CPE: variants seen among roughly 807,000 people sequenced by gnomAD.
The protein encoded by CPE is carbocypeptidase E.
In CPE, 17 loss-of-function variants were observed where a neutral mutation model predicts 53.5. The ratio of observed to expected loss-of-function variants is 0.32; its 90% CI spans 0.22 to 0.48. The LOEUF is 0.48. Among genes scored for constraint, CPE ranks in the 20% least tolerant of loss-of-function variants. The probability of loss-of-function intolerance (pLI) is 0.99; values close to 1 mark genes in which losing one functional copy is unlikely to be tolerated. For synonymous variants in CPE, 226 were observed against 228.8 expected, an observed-to-expected ratio of 0.99 and a Z score of 0.11; for missense variants, 524 against 614.7, an observed-to-expected ratio of 0.85 and a Z score of 1.56.
chr4:165,442,332 C>T (rs1282049424), intron 1 of CPE, among the ~76,000 whole-genome samples: 2 of 152,142 alleles, frequency 1.3e-5, no homozygotes, highest in Non-Finnish European at 2.9e-5. Context: ...GCATGAACCA[C>T]TGTACCCAGC....
At chr4:165,394,531 G>T (rs1274785334) in intron 1 of CPE, among the ~76,000 whole-genome samples, 1 of 151,988 alleles carries the variant, frequency 6.6e-6, no homozygotes. Flanking sequence ...TTGTGTCGCT[G>T]GAAGTTAAGG....
At chr4:165,459,686 G>GTGGGT (rs1553976504) in intron 1 of CPE, among the ~76,000 whole-genome samples, 1 of 116,740 alleles carries the variant, frequency 8.6e-6, no homozygotes, top group Non-Finnish European at 1.7e-5. Context: ...GGGGGGGGCG[G>GTGGGT]GGCAGATCAT....
chr4:165,486,532 T>C (rs1315364751), intron 5 of CPE, among the ~76,000 whole-genome samples: 1 of 152,094 alleles, frequency 6.6e-6, no homozygotes, highest in Non-Finnish European at 1.5e-5. Context: ...TGCCTCCCCA[T>C]TTTGGTTCCT....
At chr4:165,424,511 T>A (rs1332949115) in intron 1 of CPE, among the ~76,000 whole-genome samples, 1 of 151,876 alleles carries the variant, frequency 6.6e-6, no homozygotes, top group Non-Finnish European at 1.5e-5. Flanking sequence ...GTCCAGTTTT[T>A]AAATTTTTAT....
chr4:165,468,675 G>T (rs1403604504), intron 3 of CPE, among the ~76,000 whole-genome samples: 1 of 152,040 alleles, frequency 6.6e-6, no homozygotes, highest in Non-Finnish European at 1.5e-5. Flanking sequence ...TCATTCCCCT[G>T]CCTCAGCTGA....
At chr4:165,494,176 C>A (rs1732660781) in intron 7 of CPE, among the ~76,000 whole-genome samples, 1 of 152,188 alleles carries the variant, frequency 6.6e-6, no homozygotes, top group Admixed American at 6.5e-5. Context: ...AGAATCTGTG[C>A]CAAGATGTCA....
In CPE at chr4:165,493,584, C is replaced by A. The variant is rs1732648234; in HGVS notation, c.1213+314C>A. ...GGTTCTTCAGGCAAAGGAAAAGGAGCTGCTGGAGTTAAAATACCAGTGACT... is the reference window on the plus strand; with the variant it reads ...GGTTCTTCAGGCAAAGGAAAAGGAGATGCTGGAGTTAAAATACCAGTGACT... On this transcript the variant is annotated intron_variant, in intron 7 of 8. Coordinates refer to ENST00000402744, the MANE Select transcript of CPE (RefSeq NM_001873.4). 2.6e-5 allele frequency among the ~76,000 whole-genome samples: 4 copies of A among 152,168 alleles called. No individual in the cohort carries two copies. In the East Asian group the frequency reaches 7.7e-4, roughly 29 times the overall value.
In CPE at chr4:165,469,991, A is replaced by G. The variant is rs1419461826; in HGVS notation, c.672+2136A>G. On this transcript the variant is annotated intron_variant, in intron 3 of 8. Transcript: ENST00000402744. ...TATATATGGGATTCATTGCAGAAAC[A>G]TGGGCTGAGCCTACAGGTGGGGGCT... is the stretch of plus-strand genomic sequence containing the variant. Among the ~76,000 whole-genome samples the G allele has an allele frequency of 2.6e-5, 4 of 152,196 alleles. No homozygotes were observed. The East Asian group carries it at 5.8e-4, about 22-fold the overall frequency.
At chr4:165,452,463 A>G (rs1389917183) in intron 1 of CPE, among the ~76,000 whole-genome samples, 1 of 152,162 alleles carries the variant, frequency 6.6e-6, no homozygotes, top group African/African-American at 2.4e-5. Flanking sequence ...AAACCTGTGT[A>G]TAGGCATATG....
chr4:165,386,567 C>G (rs1372296865), intron 1 of CPE, among the ~76,000 whole-genome samples: 1 of 152,088 alleles, frequency 6.6e-6, no homozygotes, highest in Non-Finnish European at 1.5e-5. Flanking sequence ...GCACTGAATC[C>G]AGTTTTGCAT....
At chr4:165,458,466 A>G (rs968964897) in intron 1 of CPE, among the ~76,000 whole-genome samples, 14 of 152,308 alleles carry the variant, frequency 9.2e-5, no homozygotes, top group African/African-American at 3.4e-4. Flanking sequence ...TTTGGCAAAA[A>G]TTTGTTGTTG....
chr4:165,470,087 G>A (rs563778189), intron 3 of CPE, among the ~76,000 whole-genome samples: 34 of 152,134 alleles, frequency 2.2e-4, no homozygotes, highest in South Asian at 1.7e-3. Context: ...AGAAGAATTC[G>A]ACCAAGAGGC....
At chr4:165,485,923 G>C (rs188965207) in intron 5 of CPE, among the ~76,000 whole-genome samples, 1 of 152,172 alleles carries the variant, frequency 6.6e-6, no homozygotes, top group Admixed American at 6.5e-5. Flanking sequence ...GACAAACCCT[G>C]TAGGGAAGTG....
intron 1 of CPE, among the ~76,000 whole-genome samples, chr4:165,434,350 T>C (rs1184285626): frequency 6.6e-6 from 1 of 152,156 alleles, no homozygotes; most frequent in Non-Finnish European, 1.5e-5. Flanking sequence ...AACATTGATA[T>C]TGGAGAAATG....
At position 165,484,520 on chromosome 4, in the gene CPE, C is replaced by A. The variant is rs202048102; in HGVS notation, c.889C>A (p.Arg297=). The A allele has an allele frequency of 6.2e-7, 1 of 1,614,116 alleles. No individual in the cohort carries two copies. The change falls in exon 5 of 9, where the codon CGG becomes AGG. Residue 297 remains arginine, a synonymous_variant. Transcript: ENST00000402744. ...CAACCCGGCCATGTCTGACCCCAAT[C>A]GGCCACCATGTCGCAAGAATGATGA... ...SFNPAMSDPN[R]PPCRKNDDDS...
intron 1 of CPE, among the ~76,000 whole-genome samples, chr4:165,460,337 C>T (rs1434326358): frequency 6.6e-6 from 1 of 152,162 alleles, no homozygotes; most frequent in Non-Finnish European, 1.5e-5. Context: ...AAAATTTCTT[C>T]AGAATCTGTT....
intron 1 of CPE, among the ~76,000 whole-genome samples, chr4:165,460,756 G>T (rs1731984806): frequency 6.6e-6 from 1 of 152,108 alleles, no homozygotes; most frequent in Non-Finnish European, 1.5e-5. Context: ...TTATTGAACT[G>T]ATATTTAAGC....
intron 1 of CPE, chr4:165,405,839 C>G: frequency 2.7e-6 from 2 of 747,074 alleles, no homozygotes; most frequent in Non-Finnish European, 5.0e-6. Context: ...GGTAAGATCC[C>G]CAGCAAGACT....
intron 1 of CPE, among the ~76,000 whole-genome samples, chr4:165,459,457 A>T (rs1326686701): frequency 1.3e-5 from 2 of 152,142 alleles, no homozygotes; most frequent in Non-Finnish European, 2.9e-5. Flanking sequence ...ATTGTGTGCC[A>T]TGTGAAGTAA....
Sources: gnomAD v4.1 joint callset for allele counts (sites outside exome capture counted in the v4.1 genomes callset) on GRCh38, gnomAD v4.1.1 for gene constraint, MANE v1.5 for transcripts, NCBI Gene and HGNC (gene_info 2026-07-23, HGNC 2026-07-21) for gene names.